The following YKT6 variants were observed in gnomAD, a reference collection of about 807,000 sequenced individuals.
The protein encoded by YKT6 is synaptobrevin homolog YKT6.
Under a neutral mutation model 29.3 loss-of-function variants are expected in YKT6, and 12 were observed. The observed-to-expected ratio is 0.41, with a 90% CI of 0.26 to 0.66. The LOEUF is 0.66. YKT6 is among the 30% of genes least tolerant of loss of function. YKT6 has a pLI of 0.32. For missense variants in YKT6, 188 were observed against 243.8 expected (o/e 0.77, Z 1.52); for synonymous variants, 86 against 94.3 (o/e 0.91, Z 0.51).
Position 44,208,140 on chromosome 7 carries a change from G to C in YKT6, c.401G>C (p.Arg134Pro). 2.5e-6 allele frequency: 4 copies of C among 1,614,004 alleles called. No homozygotes were observed. The highest frequency in any genetic ancestry group is 2.5e-6 in the Non-Finnish European group (3 of 1,179,982). The change falls in exon 5 of 7, where the codon CGA (arginine) becomes CCA (proline). Residue 134 changes from arginine (R) to proline (P), a missense_variant. Transcript: ENST00000223369. ...TTTTTCACTCTTTCCTAGAACCCAC[G>C]AGAAGCTGATCCCATGACTAAAGTG... Reference protein sequence around the residue: ...DGHLSRYQNPREADPMTKVQA... With the variant: ...DGHLSRYQNPPEADPMTKVQA...
rs985281454 is a variant in YKT6 at position 44,206,589 on chromosome 7, A to G, written c.288+104A>G. ...TCCCTGAGACATAAGGGATGAAATG[A>G]TGTGTCCAAAGTCAACACATTTTTC... On this transcript the variant is annotated intron_variant, in intron 3 of 6. Coordinates refer to ENST00000223369, the MANE Select transcript of YKT6 (RefSeq NM_006555.4). 13 of 1,044,964 alleles carry G rather than the reference A, an allele frequency of 1.2e-5. No individual in the cohort carries two copies. In the African/African-American group the frequency reaches 2.0e-4, roughly 16 times the overall value. 64.7% of individuals were successfully genotyped at this position (1,044,964 alleles called of 1,614,324 possible).
chr7:44,208,003 C>T, intron 4 of YKT6, 130 bp from the exon 5 acceptor site: 1 of 898,584 alleles, frequency 1.1e-6, no homozygotes, highest in East Asian at 2.7e-5. Flanking sequence ...GGATTACAGG[C>T]GTGAGCCACT....
Position 44,210,902 on chromosome 7 carries a change from G to C in YKT6, c.460-121G>C, listed in dbSNP as rs138654067. 441 of 923,422 alleles carry C rather than the reference G, an allele frequency of 4.8e-4. 2 individuals carry two copies. In the African/African-American group the frequency reaches 5.7e-3, roughly 12 times the overall value. 57.2% of individuals were successfully genotyped at this position (923,422 alleles called of 1,614,324 possible). A position where few individuals can be genotyped will look rare whatever the true frequency, so the allele number is the denominator to read the frequency against. On this transcript the variant is annotated intron_variant, in intron 5 of 6. Transcript: ENST00000223369. ...GGACCGAGTCTCGACACCTAGAGGT[G>C]AAGTTTGTGTGTGTTGGAGAGGAAC...
At position 44,201,031 on chromosome 7, in the gene YKT6, C is replaced by T. The variant is rs1460288160; in HGVS notation, c.-105C>T. On this transcript the variant is annotated 5_prime_UTR_variant, in exon 1 of 7. Coordinates refer to ENST00000223369, the MANE Select transcript of YKT6 (RefSeq NM_006555.4). ...CGGTGGCCCCGTCAGCAGCCGGCTG[C>T]TGAGAGGCCGGTAGGCGGCGGCGGT... is the stretch of plus-strand genomic sequence containing the variant. The T allele has an allele frequency of 4.2e-6, 4 of 953,840 alleles. No individual in the cohort carries two copies. The highest frequency in any genetic ancestry group is 4.5e-6 in the Non-Finnish European group (3 of 670,698). 59.1% of individuals were successfully genotyped at this position (953,840 alleles called of 1,614,324 possible). A position where few individuals can be genotyped will look rare whatever the true frequency, so the allele number is the denominator to read the frequency against.
chr7:44,207,373 T>G lies in YKT6; in HGVS notation c.289-15T>G. 1 of 1,613,138 alleles carries G rather than the reference T, an allele frequency of 6.2e-7. No homozygotes were observed. The highest frequency in any genetic ancestry group is 8.5e-7 in the Non-Finnish European group (1 of 1,179,360). ...TGCACAGTGGGAGGCTTGTTGAGTC[T>G]CCTTTGTCTTGCAGGTACTAGATGA... is the stretch of plus-strand genomic sequence containing the variant. On this transcript the variant is annotated splice_polypyrimidine_tract_variant and intron_variant, in intron 3 of 6. Coordinates refer to ENST00000223369, the MANE Select transcript of YKT6 (RefSeq NM_006555.4).
chr7:44,211,383 C>T (rs889368583), intron 6 of YKT6, among the ~76,000 whole-genome samples: 33 of 152,224 alleles, frequency 2.2e-4, no homozygotes, highest in African/African-American at 7.0e-4. Context: ...GCTGCTCTGG[C>T]TGATTTCTGA....
intron 1 of YKT6, among the ~76,000 whole-genome samples, chr7:44,202,202 C>T (rs1023224228): frequency 6.6e-6 from 1 of 151,154 alleles, no homozygotes; most frequent in South Asian, 2.1e-4. Flanking sequence ...TTGCCAAGGA[C>T]TTGCTGGATG....
At chr7:44,208,484 T>G (rs1396040183) in intron 5 of YKT6, 1 of 389,826 alleles carries the variant, frequency 2.6e-6, no homozygotes. Flanking sequence ...TTTACTGGGT[T>G]CCTAGGGTTT....
At chr7:44,203,780 A>G (rs912096617) in intron 1 of YKT6, among the ~76,000 whole-genome samples, 8 of 152,162 alleles carry the variant, frequency 5.3e-5, no homozygotes, top group African/African-American at 1.7e-4. Flanking sequence ...AGTTACCTAT[A>G]TGGCTCTGCT....
chr7:44,213,404 G>T lies in YKT6; in HGVS notation c.*1122G>T, dbSNP rs11540054. ...TTCTTGGTCAGAGGTAGCTGCAGAG[G>T]GGGGAGGCCAAGGGTTTGGTCTAAG... On this transcript the variant is annotated 3_prime_UTR_variant, in exon 7 of 7. Transcript: ENST00000223369. The T allele has an allele frequency of 4.6e-5, 7 of 152,426 alleles. No homozygotes were observed. The highest frequency in any genetic ancestry group is 2.1e-4 in the South Asian group (1 of 4,830). The allele number at this position is 152,426 out of a possible 1,614,324, so 9.4% of individuals were successfully genotyped here. A position where few individuals can be genotyped will look rare whatever the true frequency, so the allele number is the denominator to read the frequency against.
chr7:44,207,246 T>C (rs2128839607), intron 3 of YKT6, 142 bp from the exon 4 acceptor site: 1 of 575,364 alleles, frequency 1.7e-6, no homozygotes, highest in Non-Finnish European at 3.1e-6. Flanking sequence ...GTTGCCATTA[T>C]ATGTCCCCCT....
At position 44,212,284 on chromosome 7, in the gene YKT6, G is replaced by A; in HGVS notation, c.*2G>A. On this transcript the variant is annotated 3_prime_UTR_variant, in exon 7 of 7. Transcript: ENST00000223369. ...AACTCATGCTGTGCCATCATGTGAT[G>A]CAGCCTGCCAGAGGCCCAATGCTGG... 6.2e-7 allele frequency: 1 copy of A among 1,613,790 alleles called. No homozygotes were observed. Among genetic ancestry groups the A allele is most frequent in the Non-Finnish European group, 8.5e-7 (1 of 1,179,864 alleles).
chr7:44,212,133 T>C (rs2096347464), intron 6 of YKT6, 114 bp from the exon 7 acceptor site: 2 of 1,271,822 alleles, frequency 1.6e-6, no homozygotes, highest in Non-Finnish European at 2.3e-6. Context: ...GTTCTAGTGC[T>C]AGTTTCTCTG....
At position 44,208,549 on chromosome 7, in the gene YKT6, C is replaced by T. The variant is rs1402136700; in HGVS notation, c.459+351C>T. 1.0e-5 allele frequency: 3 copies of T among 300,662 alleles called. No individual in the cohort carries two copies. In the East Asian group the frequency reaches 2.4e-4, roughly 24 times the overall value. The allele number at this position is 300,662 out of a possible 1,614,324, so 18.6% of individuals were successfully genotyped here. Reference sequence around the variant, plus strand: ...GTGCCTTTGTTAGGGTTTCGGGTGCCTCCACACCCCACAGGTGCCTCCCCT... The same window carrying T: ...GTGCCTTTGTTAGGGTTTCGGGTGCTTCCACACCCCACAGGTGCCTCCCCT... On this transcript the variant is annotated intron_variant, in intron 5 of 6. Transcript: ENST00000223369.
chr7:44,211,212 G>A, intron 6 of YKT6, 88 bp downstream of exon 6: 1 of 1,199,614 alleles, frequency 8.3e-7, no homozygotes, highest in Admixed American at 2.0e-5. Flanking sequence ...ACTATGAACG[G>A]GTCTTTCTTA....
chr7:44,208,120 C>T lies in YKT6; in HGVS notation c.394-13C>T. ...CTCCAGTCCTGACTTTATTATTTTT[C>T]ACTCTTTCCTAGAACCCACGAGAAG... On this transcript the variant is annotated splice_polypyrimidine_tract_variant and intron_variant, in intron 4 of 6. Transcript: ENST00000223369. 1 of 1,613,656 alleles carries T rather than the reference C, an allele frequency of 6.2e-7. No homozygotes were observed.
intron 5 of YKT6, 152 bp downstream of exon 5, chr7:44,208,350 G>A: frequency 1.3e-6 from 1 of 757,212 alleles, no homozygotes; most frequent in South Asian, 1.7e-5. Flanking sequence ...CCCACCCCGG[G>A]CATCAGACTG....
intron 1 of YKT6, 52 bp downstream of exon 1, chr7:44,201,291 T>G (rs1302999133): frequency 5.1e-6 from 6 of 1,176,140 alleles, no homozygotes; most frequent in African/African-American, 4.4e-5. Flanking sequence ...AGGACTGGGG[T>G]GGGGGTCCGA....
Position 44,213,286 on chromosome 7 carries a change from T to G in YKT6, c.*1004T>G, listed in dbSNP as rs2096348854. ...AGGCCTATGCATCTGAACAAGTGGG[T>G]CTCTCCCTTGAGCACCAGGAGTGGG... On this transcript the variant is annotated 3_prime_UTR_variant, in exon 7 of 7. Transcript: ENST00000223369. 1 of 152,242 alleles carries G rather than the reference T, an allele frequency of 6.6e-6. No homozygotes were observed. The highest frequency in any genetic ancestry group is 2.1e-4 in the South Asian group (1 of 4,830). 9.4% of individuals were successfully genotyped at this position (152,242 alleles called of 1,614,324 possible).
Sources: gnomAD v4.1 joint callset for allele counts (sites outside exome capture counted in the v4.1 genomes callset) on GRCh38, gnomAD v4.1.1 for gene constraint, MANE v1.5 for transcripts, NCBI Gene and HGNC (gene_info 2026-07-23, HGNC 2026-07-21) for gene names.